ADAM10: variants seen among roughly 807,000 people sequenced by gnomAD.
The protein encoded by ADAM10 is ADAM metallopeptidase domain 10.
ADAM10 carries 17 observed loss-of-function variants against 90.1 expected under a neutral mutation model. The ratio of observed to expected loss-of-function variants is 0.19; its 90% CI spans 0.13 to 0.28. The LOEUF (loss-of-function observed/expected upper bound fraction) is 0.28, where lower values mean the gene tolerates loss of function less well. Ranked by LOEUF, ADAM10 falls within the 10% of genes least tolerant of loss-of-function variation. The pLI is 1.00. For missense variants in ADAM10, 610 were observed against 914.3 expected, an observed-to-expected ratio of 0.67 and a Z score of 4.29; for synonymous variants, 310 against 298.6, an observed-to-expected ratio of 1.04 and a Z score of -0.40.
chr15:58,609,216 T>TA (rs572822332), intron 14 of ADAM10: 38 of 152,158 alleles, frequency 2.5e-4, no homozygotes, highest in African/African-American at 8.9e-4. Flanking sequence ...CACAGGAATT[T>TA]AAAAAAAGAG....
intron 2 of ADAM10, among the ~76,000 whole-genome samples, chr15:58,686,211 A>G (rs1897597903): frequency 6.6e-6 from 1 of 152,244 alleles, no homozygotes; most frequent in Admixed American, 6.5e-5. Flanking sequence ...TTGACCAATT[A>G]CTGGATCTTA....
At chr15:58,622,366 G>T (rs1895811561) in intron 10 of ADAM10, among the ~76,000 whole-genome samples, 1 of 152,042 alleles carries the variant, frequency 6.6e-6, no homozygotes, top group Non-Finnish European at 1.5e-5. Flanking sequence ...CAAACCCAAG[G>T]TTCCCCTAAC....
At chr15:58,742,190 C>T (rs1342346116) in intron 1 of ADAM10, among the ~76,000 whole-genome samples, 2 of 152,208 alleles carry the variant, frequency 1.3e-5, no homozygotes, top group African/African-American at 4.8e-5. Flanking sequence ...GGTGACTAAA[C>T]AGCAATGTTC....
chr15:58,633,400 C>T (rs763020094), intron 8 of ADAM10, 41 bp from the exon 9 acceptor site: 4 of 1,548,132 alleles, frequency 2.6e-6, no homozygotes, highest in East Asian at 4.5e-5. Flanking sequence ...GTATCTGTTT[C>T]CCCTTACCCC....
At chr15:58,725,035 A>G (rs1327349748) in intron 1 of ADAM10, among the ~76,000 whole-genome samples, 3 of 151,744 alleles carry the variant, frequency 2.0e-5, no homozygotes, top group Non-Finnish European at 4.4e-5. Context: ...TACTAAATAT[A>G]AAAACTAGCT....
At chr15:58,730,715 G>T (rs745732203) in intron 1 of ADAM10, among the ~76,000 whole-genome samples, 1 of 152,212 alleles carries the variant, frequency 6.6e-6, no homozygotes, top group African/African-American at 2.4e-5. Flanking sequence ...GTCTCTGAGG[G>T]TGCTTCCAGT....
At chr15:58,636,933 T>G (rs1366511938) in intron 8 of ADAM10, among the ~76,000 whole-genome samples, 7 of 152,210 alleles carry the variant, frequency 4.6e-5, no homozygotes, top group Non-Finnish European at 1.5e-5. Flanking sequence ...CATTTGGCTT[T>G]CAAGTCTGGA....
intron 11 of ADAM10, among the ~76,000 whole-genome samples, chr15:58,612,762 C>T (rs1049315314): frequency 4.6e-5 from 7 of 152,224 alleles, no homozygotes; most frequent in Non-Finnish European, 1.0e-4. Flanking sequence ...CCGGGCTATA[C>T]CCTGCCCACA....
chr15:58,668,820 A>G (rs781388604), intron 4 of ADAM10, among the ~76,000 whole-genome samples: 8 of 152,152 alleles, frequency 5.3e-5, no homozygotes, highest in Non-Finnish European at 7.4e-5. Flanking sequence ...TTCAGCCAGT[A>G]TGTGGTTTCT....
At chr15:58,691,676 C>CTTTTTTTTTTT (rs71116587) in intron 2 of ADAM10, 19 of 231,882 alleles carry the variant, frequency 8.2e-5, no homozygotes, top group African/African-American at 4.0e-4. Context: ...ACTTCTTCTT[C>CTTTTTTTTTTT]TTTTTTTTTT....
At position 58,749,607 on chromosome 15, in the gene ADAM10, T is replaced by C; in HGVS notation, c.-73A>G. ...AGCACATCGATCCGGAGGGAGAAGC[T>C]GAAGGGGCTTGGTCCGGAGCCTCCA... On this transcript the variant is annotated 5_prime_UTR_variant, in exon 1 of 16. Transcript: ENST00000260408. 6.5e-7 allele frequency: 1 copy of C among 1,547,106 alleles called. No homozygotes were observed. Among genetic ancestry groups the C allele is most frequent in the Non-Finnish European group, 8.7e-7 (1 of 1,144,726 alleles).
At chr15:58,645,918 A>C (rs1437301484) in intron 6 of ADAM10, 137 bp downstream of exon 6, 19 of 876,636 alleles carry the variant, frequency 2.2e-5, no homozygotes, top group Non-Finnish European at 3.4e-5. Context: ...TACTTATCTT[A>C]CACATTTTAT....
rs1034211806 is a variant in ADAM10, at chr15:58,591,360, T to A, written c.*6187A>T. On this transcript the variant is annotated 3_prime_UTR_variant, in exon 16 of 16. Transcript: ENST00000260408. ...AAATCATTATGAATACAGGTCATTA[T>A]CATGAATTACTGCTAAAATAAAAAC... 1 of 152,248 alleles carries A rather than the reference T, an allele frequency of 6.6e-6. No homozygotes were observed. The highest frequency in any genetic ancestry group is 2.4e-5 in the African/African-American group (1 of 41,470). 9.4% of individuals were successfully genotyped at this position (152,248 alleles called of 1,614,324 possible).
chr15:58,735,074 C>T (rs1264489380), intron 1 of ADAM10, among the ~76,000 whole-genome samples: 2 of 152,154 alleles, frequency 1.3e-5, no homozygotes, highest in Non-Finnish European at 2.9e-5. Flanking sequence ...ATAGATAGAG[C>T]ATGTGGTATC....
intron 2 of ADAM10, among the ~76,000 whole-genome samples, chr15:58,684,357 C>T (rs928365328): frequency 8.5e-5 from 13 of 152,130 alleles, no homozygotes; most frequent in Non-Finnish European, 8.8e-5. Flanking sequence ...TGAGTTTATG[C>T]TAATGAGGTG....
chr15:58,647,246 G>GTGTTTTTTTTTT (rs1323960397), intron 5 of ADAM10, among the ~76,000 whole-genome samples: 1 of 36,828 alleles, frequency 2.7e-5, no homozygotes, highest in African/African-American at 7.4e-5. Context: ...TAGACACTAA[G>GTGTTTTTTTTTT]TATTTTTTTT....
chr15:58,638,290 T>C (rs1481868594), intron 8 of ADAM10, among the ~76,000 whole-genome samples: 1 of 152,110 alleles, frequency 6.6e-6, no homozygotes, highest in Non-Finnish European at 1.5e-5. Context: ...GTCTTCGTTT[T>C]CTATTCTGGT....
chr15:58,613,917 A>G (rs1182600848), intron 11 of ADAM10, among the ~76,000 whole-genome samples: 1 of 152,314 alleles, frequency 6.6e-6, no homozygotes, highest in East Asian at 1.9e-4. Flanking sequence ...GGAGTTCAAG[A>G]TCAACCTAGG....
At chr15:58,688,989 G>T (rs1170692274) in intron 2 of ADAM10, among the ~76,000 whole-genome samples, 1 of 148,410 alleles carries the variant, frequency 6.7e-6, no homozygotes, top group African/African-American at 2.5e-5. Context: ...AAAAAAATTT[G>T]ATAAAATGAT....
Sources: gnomAD v4.1 joint callset for allele counts (sites outside exome capture counted in the v4.1 genomes callset) on GRCh38, gnomAD v4.1.1 for gene constraint, MANE v1.5 for transcripts, NCBI Gene and HGNC (gene_info 2026-07-23, HGNC 2026-07-21) for gene names.